The following CSMD1 variants were observed in gnomAD, a reference collection of about 807,000 sequenced individuals.
CSMD1 encodes CUB and sushi domain-containing protein 1.
In CSMD1, 213 loss-of-function variants were observed where a neutral mutation model predicts 417.5. That is an observed-to-expected ratio of 0.51 (90% CI 0.46 to 0.57). The LOEUF (loss-of-function observed/expected upper bound fraction) is 0.57, where lower values mean the gene tolerates loss of function less well. Among genes scored for constraint, CSMD1 ranks in the 20% least tolerant of loss-of-function variants. The pLI is 0.00. For synonymous variants in CSMD1, 2,862 were observed against 1,736.8 expected, an observed-to-expected ratio of 1.65 and a Z score of -16.11; for missense variants, 6,923 against 4,529.7, an observed-to-expected ratio of 1.53 and a Z score of -15.17.
chr8:4,582,908 G>T (rs1041475911), intron 2 of CSMD1, among the ~76,000 whole-genome samples: 3 of 152,208 alleles, frequency 2.0e-5, no homozygotes, highest in Non-Finnish European at 4.4e-5. Context: ...GGCTTGGCTG[G>T]CCCCACACTC....
At chr8:4,367,030 G>A (rs762824411) in intron 3 of CSMD1, among the ~76,000 whole-genome samples, 4 of 152,092 alleles carry the variant, frequency 2.6e-5, no homozygotes, top group Non-Finnish European at 5.9e-5. Flanking sequence ...CTTTTGCTGT[G>A]CAGAAGCTTC....
intron 26 of CSMD1, among the ~76,000 whole-genome samples, chr8:3,272,695 T>G (rs1054143688): frequency 7.0e-6 from 1 of 142,372 alleles, no homozygotes; most frequent in East Asian, 2.1e-4. Flanking sequence ...TCGAAGCAAT[T>G]GTGAATGGGA....
chr8:4,817,945 T>C (rs909494773), intron 1 of CSMD1, among the ~76,000 whole-genome samples: 4 of 152,196 alleles, frequency 2.6e-5, no homozygotes, highest in African/African-American at 9.7e-5. Context: ...TTAATCTGTC[T>C]ACCCTAGCAT....
intron 26 of CSMD1, among the ~76,000 whole-genome samples, chr8:3,265,874 A>G (rs917436597): frequency 2.6e-5 from 4 of 151,936 alleles, no homozygotes; most frequent in Non-Finnish European, 5.9e-5. Flanking sequence ...AGAAAAGCGG[A>G]CTGAGATCAG....
At chr8:3,083,082 T>C (rs1328796581) in intron 49 of CSMD1, among the ~76,000 whole-genome samples, 1 of 152,176 alleles carries the variant, frequency 6.6e-6, no homozygotes, top group African/African-American at 2.4e-5. Flanking sequence ...TGTTTCATAT[T>C]TCATTTTTCT....
chr8:3,915,292 G>C (rs138151183), intron 5 of CSMD1, among the ~76,000 whole-genome samples: 2 of 151,482 alleles, frequency 1.3e-5, no homozygotes, highest in Admixed American at 6.6e-5. Flanking sequence ...TGTAGTCTCA[G>C]CTATTCAGGA....
In CSMD1 at chr8:3,832,706, C is replaced by T. The variant is rs191822362; in HGVS notation, c.819-78664G>A. Among the ~76,000 whole-genome samples, 5 of 152,136 alleles carry T rather than the reference C, an allele frequency of 3.3e-5. No homozygotes were observed. The East Asian group carries it at 5.8e-4, about 18-fold the overall frequency. ...ATAGATTCATGACTGTATTTCAGAA[C>T]GAAACAAAAATAGGACTTACACCAT... On this transcript the variant is annotated intron_variant, in intron 5 of 69. Transcript: ENST00000635120.
At chr8:4,011,257 T>G (rs1254877510) in intron 4 of CSMD1, among the ~76,000 whole-genome samples, 1 of 152,184 alleles carries the variant, frequency 6.6e-6, no homozygotes, top group East Asian at 1.9e-4. Context: ...CTTTACCAGT[T>G]TTCTTCTCTT....
chr8:4,761,887 CTACCTACCTAT>C (rs1812113814), intron 1 of CSMD1, among the ~76,000 whole-genome samples: 4 of 69,254 alleles, frequency 5.8e-5, no homozygotes, highest in East Asian at 6.3e-4. Context: ...ATCTATCTAT[CTACCTACCTAT>C]CTATCTATCT....
chr8:4,761,916 T>A lies in CSMD1; in HGVS notation c.86-124358A>T, dbSNP rs777696533. On this transcript the variant is annotated intron_variant, in intron 1 of 69. Coordinates refer to ENST00000635120, the MANE Select transcript of CSMD1 (RefSeq NM_033225.6). ...CTACCTATCTATCTATCTATCAATCTATCTATCTATCTATCTATCTATCTA... is the reference window on the plus strand; with the variant it reads ...CTACCTATCTATCTATCTATCAATCAATCTATCTATCTATCTATCTATCTA... Among the ~76,000 whole-genome samples the A allele has an allele frequency of 1.0e-3, 127 of 125,526 alleles. 2 individuals are homozygous for A. Among genetic ancestry groups the A allele is most frequent in the African/African-American group, 3.8e-3 (113 of 29,954 alleles). 82.3% of individuals were successfully genotyped at this position (125,526 alleles called of 152,430 possible).
intron 1 of CSMD1, among the ~76,000 whole-genome samples, chr8:4,757,581 T>A (rs917922811): frequency 2.6e-5 from 4 of 152,158 alleles, no homozygotes; most frequent in African/African-American, 9.7e-5. Flanking sequence ...GTCTGAGCAA[T>A]AGCCTACAGG....
chr8:3,652,437 G>A (rs1241729222), intron 7 of CSMD1, among the ~76,000 whole-genome samples: 2 of 152,200 alleles, frequency 1.3e-5, no homozygotes, highest in Non-Finnish European at 2.9e-5. Flanking sequence ...AAACACAATG[G>A]ATGCATTAGC....
chr8:4,101,998 G>A (rs1019760263), intron 3 of CSMD1, among the ~76,000 whole-genome samples: 6 of 152,276 alleles, frequency 3.9e-5, no homozygotes, highest in East Asian at 1.9e-4. Context: ...CTGGGGACCC[G>A]GCAATAGCTG....
rs146687762 is a variant in CSMD1 at position 3,260,194 on chromosome 8, C to G, written c.4153+23950G>C. The stretch of plus-strand genomic sequence containing the variant: ...AATTGAAAAAGTGCTTTATTATCTG[C>G]TTCCTCACCCTGAATTGAACTCTTT... On this transcript the variant is annotated intron_variant, in intron 26 of 69. Coordinates refer to ENST00000635120, the MANE Select transcript of CSMD1 (RefSeq NM_033225.6). Among the ~76,000 whole-genome samples the G allele has an allele frequency of 7.9e-4, 121 of 152,304 alleles. 1 individual carries two copies. The highest frequency in any genetic ancestry group is 2.7e-3 in the African/African-American group (113 of 41,566).
chr8:3,071,582 CA>C (rs1813325231), intron 49 of CSMD1, among the ~76,000 whole-genome samples: 1 of 152,084 alleles, frequency 6.6e-6, no homozygotes, highest in African/African-American at 2.4e-5. Context: ...CCATATGCCC[CA>C]AAGTAATTTT....
intron 15 of CSMD1, among the ~76,000 whole-genome samples, chr8:3,400,829 A>C (rs1712152377): frequency 6.6e-6 from 1 of 151,230 alleles, no homozygotes. Context: ...ATTTTTCCCA[A>C]ATAAGTTGCA....
intron 2 of CSMD1, among the ~76,000 whole-genome samples, chr8:4,442,296 TAGAAA>T (rs922085343): frequency 2.6e-5 from 4 of 152,170 alleles, no homozygotes; most frequent in African/African-American, 7.2e-5. Flanking sequence ...TATTAAAAGT[TAGAAA>T]AGAAATGAAC....
intron 2 of CSMD1, among the ~76,000 whole-genome samples, chr8:4,636,510 C>T (rs1344530051): frequency 1.3e-5 from 2 of 152,134 alleles, no homozygotes; most frequent in African/African-American, 4.8e-5. Flanking sequence ...TATTCTCTGA[C>T]AACATAAGGG....
chr8:3,482,560 A>G (rs909484236), intron 11 of CSMD1, among the ~76,000 whole-genome samples: 1 of 152,240 alleles, frequency 6.6e-6, no homozygotes, highest in African/African-American at 2.4e-5. Flanking sequence ...AGCAACCTCC[A>G]CAAGTATAGT....
Sources: allele counts gnomAD v4.1 joint callset (sites outside exome capture counted in the v4.1 genomes callset), GRCh38; gene constraint gnomAD v4.1.1; transcripts MANE v1.5; gene names NCBI Gene and HGNC (gene_info 2026-07-23, HGNC 2026-07-21).